Variants in AK9 observed in about 807,000 individuals in gnomAD.
AK9 encodes adenylate kinase 9.
In AK9, 191 loss-of-function variants were observed where a neutral mutation model predicts 239.6. That is an observed-to-expected ratio of 0.80 (90% CI 0.71 to 0.90). The LOEUF (loss-of-function observed/expected upper bound fraction) is 0.90. Ranked by LOEUF, AK9 falls within the 40% of genes least tolerant of loss-of-function variation. The pLI, the probability that AK9 is intolerant of heterozygous loss-of-function variation, is 0.00. For missense variants in AK9, 1,995 were observed against 2,214.7 expected (o/e 0.90, Z 1.99); for synonymous variants, 689 against 721.0 (o/e 0.96, Z 0.71).
intron 1 of AK9, among the ~76,000 whole-genome samples, chr6:109,681,350 G>C (rs1772601331): frequency 6.6e-6 from 1 of 152,152 alleles, no homozygotes; most frequent in South Asian, 2.1e-4. Flanking sequence ...AGACAAAGAA[G>C]GTCATTACAC....
In AK9 at chr6:109,536,998, C is replaced by T. The variant is rs1782092832; in HGVS notation, c.3351-3528G>A. 2.0e-5 allele frequency among the ~76,000 whole-genome samples: 3 copies of T among 152,120 alleles called. No individual in the cohort carries two copies. In the South Asian group the frequency reaches 6.2e-4, roughly 32 times the overall value. On this transcript the variant is annotated intron_variant, in intron 27 of 40. Transcript: ENST00000424296. ...AAGCTTTTTGATGTGCTGTTGGATT[C>T]TGTTTGCCAGTATTTTACTGAGGAT... is the stretch of plus-strand genomic sequence containing the variant.
chr6:109,658,495 C>G (rs1486753686), intron 7 of AK9, among the ~76,000 whole-genome samples: 1 of 152,080 alleles, frequency 6.6e-6, no homozygotes, highest in African/African-American at 2.4e-5. Context: ...CTATCCAGCA[C>G]GGAAGTTATT....
At chr6:109,683,714 G>C (rs1270870646) in intron 1 of AK9, among the ~76,000 whole-genome samples, 1 of 152,124 alleles carries the variant, frequency 6.6e-6, no homozygotes, top group Non-Finnish European at 1.5e-5. Flanking sequence ...ACTTCTTCAA[G>C]GAGAATTACA....
rs186966537 is a variant in AK9 at position 109,585,363 on chromosome 6, T to A, written c.2000-126A>T. ...AAATACATTTTCCTTTAAGCATGTA[T>A]CTAAATAGAGCCCAGATTCTTTAAA... On this transcript the variant is annotated intron_variant, in intron 18 of 40. Coordinates refer to ENST00000424296, the MANE Select transcript of AK9 (RefSeq NM_001145128.3). The A allele has an allele frequency of 9.8e-4, 330 of 337,308 alleles. 1 individual carries two copies. The highest frequency in any genetic ancestry group is 6.8e-3 in the African/African-American group (311 of 45,508). The allele number at this position is 337,308 out of a possible 1,614,324, so 20.9% of individuals were successfully genotyped here. A position where few individuals can be genotyped will look rare whatever the true frequency, so the allele number is the denominator to read the frequency against.
intron 1 of AK9, among the ~76,000 whole-genome samples, chr6:109,678,991 G>T (rs769440807): frequency 2.0e-5 from 3 of 152,140 alleles, no homozygotes; most frequent in Non-Finnish European, 4.4e-5. Context: ...TGATGCCTAC[G>T]CCACCAGGGC....
At chr6:109,641,943 G>C (rs540941079) in intron 9 of AK9, among the ~76,000 whole-genome samples, 3 of 152,118 alleles carry the variant, frequency 2.0e-5, no homozygotes, top group Non-Finnish European at 4.4e-5. Context: ...CTTTTTGAGG[G>C]ACACATTTCA....
At position 109,493,320 on chromosome 6, in the gene AK9, A is replaced by G. The variant is rs1319391660; in HGVS notation, c.*49T>C. On this transcript the variant is annotated 3_prime_UTR_variant, in exon 41 of 41. Coordinates refer to ENST00000424296, the MANE Select transcript of AK9 (RefSeq NM_001145128.3). ...AATCTACTTCTCTCAGTTTCCCTCT[A>G]TCACTTTCAGATAACTCTTGAGATT... is the stretch of plus-strand genomic sequence containing the variant. 9.6e-6 allele frequency: 15 copies of G among 1,565,518 alleles called. No individual in the cohort carries two copies. The highest frequency in any genetic ancestry group is 5.1e-5 in the Admixed American group (3 of 58,406).
intron 5 of AK9, among the ~76,000 whole-genome samples, chr6:109,670,156 G>A (rs1801860996): frequency 6.6e-6 from 1 of 152,066 alleles, no homozygotes; most frequent in South Asian, 2.1e-4. Flanking sequence ...AGAGACTTGA[G>A]ACATACTAAT....
At chr6:109,653,877 T>TAGA (rs1799330288) in intron 8 of AK9, among the ~76,000 whole-genome samples, 1 of 152,176 alleles carries the variant, frequency 6.6e-6, no homozygotes, top group Non-Finnish European at 1.5e-5. Flanking sequence ...AATATTCTTC[T>TAGA]AAGTTTTCTT....
chr6:109,560,963 T>C (rs1471374934), intron 24 of AK9, among the ~76,000 whole-genome samples: 1 of 152,226 alleles, frequency 6.6e-6, no homozygotes, highest in South Asian at 2.1e-4. Context: ...TTTATTTTTT[T>C]ATTTTTATTT....
Position 109,617,175 on chromosome 6 carries a change from C to T in AK9, c.1399+1917G>A, listed in dbSNP as rs73519238. On this transcript the variant is annotated intron_variant, in intron 13 of 40. Transcript: ENST00000424296. ...CTAAAAAATGGAGATTTCATGTCTG[C>T]ATGAGAAGATCTAATAGTAAATATG... Among the ~76,000 whole-genome samples the T allele has an allele frequency of 8.2e-3, 1,244 of 152,138 alleles. 26 individuals are homozygous for T. Among genetic ancestry groups the T allele is most frequent in the African/African-American group, 0.027 (1,104 of 41,538 alleles).
chr6:109,549,431 A>G (rs1267384634), intron 25 of AK9, among the ~76,000 whole-genome samples: 1 of 152,164 alleles, frequency 6.6e-6, no homozygotes, highest in Non-Finnish European at 1.5e-5. Flanking sequence ...ATCCTGTAAA[A>G]GACCATCATC....
chr6:109,618,444 A>AAC (rs1562500967), intron 13 of AK9, among the ~76,000 whole-genome samples: 1 of 151,722 alleles, frequency 6.6e-6, no homozygotes, highest in Non-Finnish European at 1.5e-5. Context: ...AAAAAAACAA[A>AAC]ACGCTTTTTG....
intron 29 of AK9, among the ~76,000 whole-genome samples, chr6:109,518,673 T>C (rs1779507175): frequency 6.6e-6 from 1 of 151,922 alleles, no homozygotes; most frequent in Non-Finnish European, 1.5e-5. Flanking sequence ...AATGTTTTAC[T>C]ATATATATAT....
intron 1 of AK9, among the ~76,000 whole-genome samples, chr6:109,682,460 G>A (rs1583570427): frequency 7.0e-6 from 1 of 142,596 alleles, no homozygotes; most frequent in Admixed American, 6.9e-5. Context: ...GAATCCAGGA[G>A]CTGGTTTTTT....
intron 28 of AK9, among the ~76,000 whole-genome samples, chr6:109,530,212 A>G (rs2128132016): frequency 1.3e-5 from 2 of 152,288 alleles, no homozygotes; most frequent in South Asian, 4.1e-4. Flanking sequence ...TACCGGGAAG[A>G]TAGAGTGGTG....
intron 27 of AK9, among the ~76,000 whole-genome samples, chr6:109,533,808 T>C (rs570362920): frequency 6.6e-6 from 1 of 152,124 alleles, no homozygotes; most frequent in Admixed American, 6.6e-5. Flanking sequence ...TAATATAAAA[T>C]TGTAGTCAAT....
chr6:109,599,803 T>C (rs1206899960), intron 17 of AK9, among the ~76,000 whole-genome samples: 1 of 152,140 alleles, frequency 6.6e-6, no homozygotes, highest in Non-Finnish European at 1.5e-5. Flanking sequence ...ACCTTGTAAG[T>C]TGGATTCCTA....
At chr6:109,682,884 G>C (rs146333281) in intron 1 of AK9, among the ~76,000 whole-genome samples, 39 of 152,196 alleles carry the variant, frequency 2.6e-4, no homozygotes, top group Middle Eastern at 3.4e-3. Flanking sequence ...GGGAATTCTC[G>C]CTAACTCATT....
Sources: gnomAD v4.1 joint callset for allele counts (sites outside exome capture counted in the v4.1 genomes callset) on GRCh38, gnomAD v4.1.1 for gene constraint, MANE v1.5 for transcripts, NCBI Gene and HGNC (gene_info 2026-07-23, HGNC 2026-07-21) for gene names.